ITLN2: variants seen among roughly 807,000 people sequenced by gnomAD.
ITLN2 encodes intelectin-2.
ITLN2 carries 29 observed loss-of-function variants against 39.4 expected under a neutral mutation model. That is an observed-to-expected ratio of 0.74 (90% CI 0.55 to 1.00). The LOEUF (loss-of-function observed/expected upper bound fraction) is 1.00, where lower values mean the gene tolerates loss of function less well. Among genes scored for constraint, ITLN2 ranks in the 50% least tolerant of loss-of-function variants. The pLI is 0.00. For synonymous variants in ITLN2, 156 were observed against 153.4 expected, an observed-to-expected ratio of 1.02 and a Z score of -0.12; for missense variants, 412 against 416.7, an observed-to-expected ratio of 0.99 and a Z score of 0.10.
chr1:160,947,558 T>G (rs542400944), intron 7 of ITLN2, among the ~76,000 whole-genome samples: 2 of 152,248 alleles, frequency 1.3e-5, no homozygotes, highest in Non-Finnish European at 2.9e-5. Context: ...GGGAAAACCT[T>G]GGACAATACC....
chr1:160,949,825 C>G (rs1671697694), intron 6 of ITLN2: 1 of 504,040 alleles, frequency 2.0e-6, no homozygotes, highest in African/African-American at 1.9e-5. Context: ...GATGAAGAAA[C>G]CTGGGATTAC....
At chr1:160,950,517 C>T in intron 5 of ITLN2, 36 bp downstream of exon 5, 1 of 1,604,444 alleles carries the variant, frequency 6.2e-7, no homozygotes, top group East Asian at 2.2e-5. Context: ...CTCTGTTCAC[C>T]AAAGAAAGTG....
intron 7 of ITLN2, among the ~76,000 whole-genome samples, chr1:160,946,219 G>C (rs945982993): frequency 6.6e-6 from 1 of 151,954 alleles, no homozygotes; most frequent in African/African-American, 2.4e-5. Context: ...GCTGAGGCAG[G>C]AGAAACACTT....
rs200061193 is a variant in ITLN2 at position 160,951,153 on chromosome 1, G to T, written c.331C>A (p.Arg111Ser). 69 of 1,613,984 alleles carry T rather than the reference G, an allele frequency of 4.3e-5. No homozygotes were observed. Among genetic ancestry groups the T allele is most frequent in the Non-Finnish European group, 5.6e-5 (66 of 1,180,030 alleles). ...TTGTTGCCCTGCTGACTGGACCAGC[G>T]ATCACCCACCGTGCACTTCCCACGC... ...DMRGKCTVGDRWSSQQGNKAD... is the reference protein window; with the variant it reads ...DMRGKCTVGDSWSSQQGNKAD... Residue 111 changes from arginine to serine, a missense_variant, in exon 4 of 8, where the codon CGC (arginine) becomes AGC (serine). Transcript: ENST00000368029.
intron 1 of ITLN2, 36 bp downstream of exon 1, chr1:160,954,691 G>T (rs1320995988): frequency 6.2e-7 from 1 of 1,611,972 alleles, no homozygotes; most frequent in Middle Eastern, 1.7e-4. Flanking sequence ...TGGCATCATT[G>T]CTCCCACACA....
At chr1:160,945,389 C>G in intron 7 of ITLN2, 97 bp from the exon 8 acceptor site, 1 of 1,177,740 alleles carries the variant, frequency 8.5e-7, no homozygotes, top group Non-Finnish European at 1.2e-6. Flanking sequence ...TCAAGTTATC[C>G]GCCTGCCTCG....
chr1:160,947,204 T>G (rs931257048), intron 7 of ITLN2, among the ~76,000 whole-genome samples: 1 of 152,226 alleles, frequency 6.6e-6, no homozygotes, highest in Non-Finnish European at 1.5e-5. Flanking sequence ...GGAAAGGTAC[T>G]GTGCCCGGAT....
intron 2 of ITLN2, 55 bp from the exon 3 acceptor site, chr1:160,952,788 C>G: frequency 7.8e-7 from 1 of 1,278,206 alleles, no homozygotes; most frequent in Non-Finnish European, 1.1e-6. Flanking sequence ...GGCCATCTTT[C>G]CTGGCCAATC....
rs993500680 is a variant in ITLN2 at position 160,950,640 on chromosome 1, C to T, written c.513G>A (p.Gln171=). The stretch of plus-strand genomic sequence containing the variant: ...TCAGCAGGGCGCTGTTTCTCCAATG[C>T]TGCATGGGGGACTTGTTGGGCACAT... ...IWHVPNKSPM[Q]HWRNSALLRY... The change falls in exon 5 of 8, where the codon CAG becomes CAA. Residue 171 remains glutamine, a synonymous_variant. Coordinates refer to ENST00000368029, the MANE Select transcript of ITLN2 (RefSeq NM_080878.3). 1.2e-6 allele frequency: 2 copies of T among 1,614,220 alleles called. No homozygotes were observed. Among genetic ancestry groups the T allele is most frequent in the Admixed American group, 3.3e-5 (2 of 60,024 alleles).
At chr1:160,947,754 GCA>G (rs1358319397) in intron 7 of ITLN2, among the ~76,000 whole-genome samples, 173 bp downstream of exon 7, 1 of 152,232 alleles carries the variant, frequency 6.6e-6, no homozygotes, top group Admixed American at 6.5e-5. Context: ...GTTTCTGTGA[GCA>G]CAGAGTTGGG....
intron 7 of ITLN2, among the ~76,000 whole-genome samples, chr1:160,947,476 T>A (rs1459357869): frequency 1.3e-5 from 2 of 152,180 alleles, no homozygotes. Context: ...ACAGACCCTT[T>A]ACGGGTGTCA....
Position 160,951,097 on chromosome 1 carries a change from C to G in ITLN2, c.387G>C (p.Trp129Cys), listed in dbSNP as rs1467021639. 1 of 1,614,172 alleles carries G rather than the reference C, an allele frequency of 6.2e-7. No homozygotes were observed. The highest frequency in any genetic ancestry group is 1.1e-5 in the South Asian group (1 of 91,086). Residue 129 changes from tryptophan (W) to cysteine (C), a missense_variant, in exon 4 of 8, where the codon TGG becomes TGC. Physicochemically the swap from Trp to Cys is radical, Grantham distance 215 (BLOSUM62 -2). Coordinates refer to ENST00000368029, the MANE Select transcript of ITLN2 (RefSeq NM_080878.3). ...CAGATCCAAAGGTGTTGTAGTTGGC[C>G]CAGTTGCCATCCCCCTCTGGGTAGT... ...KADYPEGDGN[W>C]ANYNTFGSAE...
chr1:160,949,184 T>TGCCGCCAGCATGTCTC (rs1671676887), intron 6 of ITLN2: 1 of 152,120 alleles, frequency 6.6e-6, no homozygotes, highest in Non-Finnish European at 1.5e-5. Flanking sequence ...AAAGCAGTAT[T>TGCCGCCAGCATGTCTC]GCCGCCAGCA....
intron 2 of ITLN2, among the ~76,000 whole-genome samples, chr1:160,953,585 C>A (rs1671795260): frequency 6.6e-6 from 1 of 152,114 alleles, no homozygotes; most frequent in Non-Finnish European, 1.5e-5. Context: ...GTGGTGCACA[C>A]CTGTAATCCC....
intron 7 of ITLN2, among the ~76,000 whole-genome samples, chr1:160,946,724 AAAAG>A (rs1244396679): frequency 2.8e-4 from 43 of 152,206 alleles, no homozygotes; most frequent in African/African-American, 8.9e-4. Flanking sequence ...AAGAAAAAAA[AAAAG>A]AAAGAAAAGG....
intron 1 of ITLN2, 49 bp from the exon 2 acceptor site, chr1:160,954,499 C>A (rs999736972): frequency 8.9e-6 from 13 of 1,454,364 alleles, no homozygotes; most frequent in Non-Finnish European, 1.2e-5. Context: ...CTTCCTTTGT[C>A]ATCCTCTCGT....
chr1:160,948,348 C>A (rs776127012), intron 6 of ITLN2, among the ~76,000 whole-genome samples: 5 of 152,112 alleles, frequency 3.3e-5, no homozygotes, highest in Admixed American at 3.3e-4. Flanking sequence ...CTGAGAAGGC[C>A]CAGCAGGAAT....
At chr1:160,947,621 T>C (rs1671636261) in intron 7 of ITLN2, among the ~76,000 whole-genome samples, 1 of 152,244 alleles carries the variant, frequency 6.6e-6, no homozygotes, top group Non-Finnish European at 1.5e-5. Flanking sequence ...ATTGTGTCCC[T>C]GGTTTATCAA....
rs554461288 is a variant in ITLN2 at position 160,947,882 on chromosome 1, T to A, written c.825+47A>T. 8 of 1,254,420 alleles carry A rather than the reference T, an allele frequency of 6.4e-6. No homozygotes were observed. The East Asian group carries it at 1.9e-4, about 29-fold the overall frequency. The allele number at this position is 1,254,420 out of a possible 1,614,324, so 77.7% of individuals were successfully genotyped here. Reference sequence around the variant, plus strand: ...ATAGACACAGTAACAATCTGATCTCTCTTTCTTTTCCCCACACGTGGGCCA... The same window carrying A: ...ATAGACACAGTAACAATCTGATCTCACTTTCTTTTCCCCACACGTGGGCCA... On this transcript the variant is annotated intron_variant, in intron 7 of 7. Coordinates refer to ENST00000368029, the MANE Select transcript of ITLN2 (RefSeq NM_080878.3).
Sources: gnomAD v4.1 joint callset for allele counts (sites outside exome capture counted in the v4.1 genomes callset) on GRCh38, gnomAD v4.1.1 for gene constraint, MANE v1.5 for transcripts, NCBI Gene and HGNC (gene_info 2026-07-23, HGNC 2026-07-21) for gene names.